SYN3: variants seen among roughly 807,000 people sequenced by gnomAD.
SYN3 encodes the protein synapsin III.
Under a neutral mutation model 65.8 loss-of-function variants are expected in SYN3, and 35 were observed. The ratio of observed to expected loss-of-function variants is 0.53; its 90% CI spans 0.41 to 0.70. The LOEUF is 0.70. Among genes scored for constraint, SYN3 ranks in the 30% least tolerant of loss-of-function variants. The pLI is 0.00. For missense variants in SYN3, 680 were observed against 749.0 expected, an observed-to-expected ratio of 0.91 and a Z score of 1.08; for synonymous variants, 270 against 292.9, an observed-to-expected ratio of 0.92 and a Z score of 0.80.
At chr22:32,963,824 A>T (rs1056186168) in intron 3 of SYN3, among the ~76,000 whole-genome samples, 2 of 152,162 alleles carry the variant, frequency 1.3e-5, no homozygotes, top group Non-Finnish European at 2.9e-5. Flanking sequence ...AGCCAGTGAG[A>T]GACCAAAGCA....
At chr22:32,919,223 ACT>A (rs2050270430) in intron 4 of SYN3, among the ~76,000 whole-genome samples, 1 of 151,930 alleles carries the variant, frequency 6.6e-6, no homozygotes, top group Non-Finnish European at 1.5e-5. Context: ...CGCTCTGCTC[ACT>A]CTGTTTTCCT....
rs1386845374 is a variant in SYN3 at position 33,040,337 on chromosome 22, T to C, written c.-163+17955A>G. Among the ~76,000 whole-genome samples, 5 of 152,038 alleles carry C rather than the reference T, an allele frequency of 3.3e-5. No individual in the cohort carries two copies. The East Asian group carries it at 7.7e-4, about 23-fold the overall frequency. On this transcript the variant is annotated intron_variant, in intron 1 of 13. Coordinates refer to ENST00000358763, the MANE Select transcript of SYN3 (RefSeq NM_003490.4). ...AGAGAAAATGAGTTTATTCTGAGAG[T>C]GTGGACGAATGAAAGGGATGCTTTG...
chr22:32,549,139 TG>T (rs2058375130), intron 7 of SYN3, among the ~76,000 whole-genome samples: 1 of 152,152 alleles, frequency 6.6e-6, no homozygotes, highest in African/African-American at 2.4e-5. Context: ...GCTGCATCCA[TG>T]GTGCTCCATG....
rs142418236 is a variant in SYN3 at position 32,569,537 on chromosome 22, A to ATC, written c.774+27135_774+27136dup. Among the ~76,000 whole-genome samples, 721 of 113,500 alleles carry ATC rather than the reference A, an allele frequency of 6.4e-3. 4 individuals are homozygous for ATC. Among genetic ancestry groups the ATC allele is most frequent in the Middle Eastern group, 0.011 (2 of 180 alleles). The allele number at this position is 113,500 out of a possible 152,430, so 74.5% of individuals were successfully genotyped here. A position where few individuals can be genotyped will look rare whatever the true frequency, so the allele number is the denominator to read the frequency against. On this transcript the variant is annotated intron_variant, in intron 7 of 13. Transcript: ENST00000358763. ...ATCTATATCTATCTAAAATCAATCAATCTCTCTCTCTCTCTCTCTCTCTCT... is the reference window on the plus strand; with the variant it reads ...ATCTATATCTATCTAAAATCAATCAATCTCTCTCTCTCTCTCTCTCTCTCTCT...
intron 7 of SYN3, among the ~76,000 whole-genome samples, chr22:32,543,760 G>A (rs1449284797): frequency 6.6e-6 from 1 of 152,160 alleles, no homozygotes; most frequent in Non-Finnish European, 1.5e-5. Context: ...CGTGATATTA[G>A]CAACCTCTGG....
chr22:32,527,460 C>A (rs551455307), intron 12 of SYN3, among the ~76,000 whole-genome samples: 38 of 152,048 alleles, frequency 2.5e-4, no homozygotes, highest in South Asian at 1.5e-3. Flanking sequence ...ATTAGCTGGG[C>A]GTGGCGGTGT....
chr22:32,744,004 C>A (rs1336996130), intron 6 of SYN3, among the ~76,000 whole-genome samples: 1 of 152,108 alleles, frequency 6.6e-6, no homozygotes, highest in Non-Finnish European at 1.5e-5. Flanking sequence ...AGGTACCACA[C>A]CAGCCGGGTG....
intron 4 of SYN3, among the ~76,000 whole-genome samples, chr22:32,908,556 A>C (rs936024807): frequency 6.6e-6 from 1 of 152,066 alleles, no homozygotes; most frequent in Non-Finnish European, 1.5e-5. Flanking sequence ...ATCTGACCCA[A>C]GGCCATACCT....
At chr22:32,998,934 C>T (rs1002302207) in intron 2 of SYN3, among the ~76,000 whole-genome samples, 2 of 152,104 alleles carry the variant, frequency 1.3e-5, no homozygotes, top group African/African-American at 4.8e-5. Flanking sequence ...ACCGTGTGTT[C>T]TGTGTTCCTG....
chr22:32,843,515 C>T (rs538936693), intron 6 of SYN3, among the ~76,000 whole-genome samples: 10 of 152,268 alleles, frequency 6.6e-5, no homozygotes, highest in African/African-American at 1.7e-4. Flanking sequence ...ATGAGCACTC[C>T]GGCCTCAGCA....
intron 6 of SYN3, among the ~76,000 whole-genome samples, chr22:32,827,198 C>T (rs533301248): frequency 1.2e-3 from 187 of 152,328 alleles, no homozygotes; most frequent in African/African-American, 4.3e-3. Context: ...CAGCGAGTGA[C>T]TTTGCGTGGA....
chr22:32,593,139 A>G (rs552534123), intron 7 of SYN3, among the ~76,000 whole-genome samples: 196 of 152,260 alleles, frequency 1.3e-3, no homozygotes, highest in African/African-American at 4.6e-3. Context: ...TGCTTCATCA[A>G]CTTGGTCGAG....
At chr22:32,867,895 A>C (rs1191876277) in intron 5 of SYN3, among the ~76,000 whole-genome samples, 4 of 152,224 alleles carry the variant, frequency 2.6e-5, no homozygotes. Flanking sequence ...GTGGTATTTT[A>C]AGAAGTCTTT....
chr22:33,049,963 G>C (rs576665769), intron 1 of SYN3, among the ~76,000 whole-genome samples: 2 of 152,290 alleles, frequency 1.3e-5, no homozygotes, highest in Non-Finnish European at 2.9e-5. Context: ...GCACTGGAAA[G>C]GGGCCTGGAG....
chr22:32,975,959 A>G (rs1296888757), intron 3 of SYN3, among the ~76,000 whole-genome samples: 1 of 152,236 alleles, frequency 6.6e-6, no homozygotes, highest in Non-Finnish European at 1.5e-5. Flanking sequence ...CTTTATGGTC[A>G]ATATCTACAG....
intron 6 of SYN3, among the ~76,000 whole-genome samples, chr22:32,597,293 G>A (rs2059216869): frequency 7.7e-6 from 1 of 129,650 alleles, no homozygotes. Flanking sequence ...TCAGCTCACT[G>A]CAACCTTTGC....
intron 2 of SYN3, among the ~76,000 whole-genome samples, chr22:33,005,799 C>G (rs133943): frequency 6.6e-6 from 1 of 152,058 alleles, no homozygotes; most frequent in African/African-American, 2.4e-5. Flanking sequence ...ATCCTCATAA[C>G]AAGCTCATTT....
intron 4 of SYN3, among the ~76,000 whole-genome samples, chr22:32,873,865 G>A (rs1249642537): frequency 6.6e-6 from 1 of 152,110 alleles, no homozygotes; most frequent in African/African-American, 2.4e-5. Flanking sequence ...AGTGGCTCAT[G>A]CTTGTAATCC....
chr22:32,629,246 C>T (rs1356772143), intron 6 of SYN3, among the ~76,000 whole-genome samples: 1 of 152,128 alleles, frequency 6.6e-6, no homozygotes, highest in Non-Finnish European at 1.5e-5. Context: ...TAGGAATTTG[C>T]ATAAATATAC....
Sources: allele counts gnomAD v4.1 joint callset (sites outside exome capture counted in the v4.1 genomes callset), GRCh38; gene constraint gnomAD v4.1.1; transcripts MANE v1.5; gene names NCBI Gene and HGNC (gene_info 2026-07-23, HGNC 2026-07-21).